The following NDRG3 variants were observed in gnomAD, a reference collection of about 807,000 sequenced individuals.
The protein encoded by NDRG3 is protein NDRG3.
In NDRG3, 23 loss-of-function variants were observed where a neutral mutation model predicts 57.2. The ratio of observed to expected loss-of-function variants is 0.40; its 90% CI spans 0.29 to 0.57. The LOEUF (loss-of-function observed/expected upper bound fraction) is 0.57, where lower values mean the gene tolerates loss of function less well. Among genes scored for constraint, NDRG3 ranks in the 20% least tolerant of loss-of-function variants. The pLI is 0.42. For missense variants in NDRG3, 384 were observed against 457.3 expected (o/e 0.84, Z 1.46); for synonymous variants, 132 against 162.6 (o/e 0.81, Z 1.43).
chr20:36,661,136 C>T (rs1163640406), intron 12 of NDRG3, among the ~76,000 whole-genome samples: 1 of 152,144 alleles, frequency 6.6e-6, no homozygotes, highest in Non-Finnish European at 1.5e-5. Context: ...TCACTTTTCA[C>T]CTCTTTCCTT....
At position 36,682,828 on chromosome 20, in the gene NDRG3, G is replaced by C. The variant is rs6028752; in HGVS notation, c.384-250C>G. 6.5e-3 allele frequency among the ~76,000 whole-genome samples: 985 copies of C among 152,132 alleles called. 12 individuals are homozygous for C. Among genetic ancestry groups the C allele is most frequent in the African/African-American group, 0.022 (926 of 41,530 alleles). ...GCACTTTGGGAGGCCGAGGCAGGCG[G>C]ATCACGAGGTCGGCGGATCACGAGG... On this transcript the variant is annotated intron_variant, in intron 6 of 15. Coordinates refer to ENST00000349004, the MANE Select transcript of NDRG3 (RefSeq NM_032013.4).
In NDRG3 at chr20:36,696,888, T is replaced by C. The variant is rs552949478; in HGVS notation, c.94-8104A>G. ...TCTATTGGGATTCTCTTCCACAGCA[T>C]TGACAATCTGTTCCATAAAGTACCA... is the stretch of plus-strand genomic sequence containing the variant. On this transcript the variant is annotated intron_variant, in intron 3 of 15. Coordinates refer to ENST00000349004, the MANE Select transcript of NDRG3 (RefSeq NM_032013.4). 1.8e-4 allele frequency among the ~76,000 whole-genome samples: 27 copies of C among 152,312 alleles called. 1 individual carries two copies. The highest frequency in any genetic ancestry group is 5.3e-4 in the African/African-American group (22 of 41,578).
rs1985774936 is a variant in NDRG3, at chr20:36,739,133, TCAAAAAAAAAAAAAAA to T, written c.-49+6896_-49+6911del. ...CTGGGTGACAAAACGAGACCCCATCTCAAAAAAAAAAAAAAAAAAAAAAAAAAAAAAAAGGCCAGGC... is the reference window on the plus strand; with the variant it reads ...CTGGGTGACAAAACGAGACCCCATCTAAAAAAAAAAAAAAAAAGGCCAGGC... On this transcript the variant is annotated intron_variant, in intron 1 of 15. Coordinates refer to ENST00000349004, the MANE Select transcript of NDRG3 (RefSeq NM_032013.4). Among the ~76,000 whole-genome samples the T allele has an allele frequency of 1.3e-4, 4 of 31,518 alleles. 1 individual carries two copies. The highest frequency in any genetic ancestry group is 1.1e-3 in the East Asian group (1 of 914). The allele number at this position is 31,518 out of a possible 152,430, so 20.7% of individuals were successfully genotyped here. A position where few individuals can be genotyped will look rare whatever the true frequency, so the allele number is the denominator to read the frequency against.
chr20:36,744,749 C>A (rs1157412799), intron 1 of NDRG3, among the ~76,000 whole-genome samples: 1 of 152,232 alleles, frequency 6.6e-6, no homozygotes, highest in Non-Finnish European at 1.5e-5. Context: ...TATCAATGTT[C>A]TCTTTCTCTT....
At chr20:36,727,691 G>A (rs1985027600) in intron 1 of NDRG3, among the ~76,000 whole-genome samples, 1 of 151,674 alleles carries the variant, frequency 6.6e-6, no homozygotes, top group African/African-American at 2.4e-5. Flanking sequence ...ACAGGCGCCC[G>A]CCACCACGCC....
intron 2 of NDRG3, among the ~76,000 whole-genome samples, chr20:36,717,987 T>C (rs988185218): frequency 6.6e-6 from 1 of 152,242 alleles, no homozygotes; most frequent in Non-Finnish European, 1.5e-5. Flanking sequence ...AATCCTGCCA[T>C]ACAGCAGGCA....
intron 1 of NDRG3, among the ~76,000 whole-genome samples, chr20:36,727,702 C>A (rs559632599): frequency 6.6e-6 from 1 of 151,762 alleles, no homozygotes; most frequent in Non-Finnish European, 1.5e-5. Flanking sequence ...CCACCACGCC[C>A]GGCTAATTTT....
chr20:36,703,056 G>A (rs1307016488), intron 3 of NDRG3, among the ~76,000 whole-genome samples: 1 of 152,034 alleles, frequency 6.6e-6, no homozygotes, highest in Non-Finnish European at 1.5e-5. Context: ...CTGATCTCAG[G>A]TGATCTACCC....
chr20:36,695,308 T>G (rs547998757), intron 3 of NDRG3, among the ~76,000 whole-genome samples: 1 of 152,284 alleles, frequency 6.6e-6, no homozygotes, highest in African/African-American at 2.4e-5. Context: ...TTGAACAATA[T>G]GAAATCTGGG....
At chr20:36,666,191 G>T in intron 10 of NDRG3, 98 bp downstream of exon 10, 1 of 873,076 alleles carries the variant, frequency 1.1e-6, no homozygotes, top group Non-Finnish European at 1.9e-6. Flanking sequence ...CCTCGGAGAA[G>T]CTGGTCCCAA....
intron 2 of NDRG3, among the ~76,000 whole-genome samples, chr20:36,707,488 A>G (rs1275255): frequency 0.057 from 8,653 of 152,256 alleles, 865 homozygotes; most frequent in African/African-American, 0.2. Flanking sequence ...ATCAGAAATG[A>G]AAGCCTTGAA....
At chr20:36,736,793 A>G (rs1294968435) in intron 1 of NDRG3, among the ~76,000 whole-genome samples, 1 of 152,184 alleles carries the variant, frequency 6.6e-6, no homozygotes, top group Non-Finnish European at 1.5e-5. Context: ...AAGTCTGGGT[A>G]CCTCTTCGCC....
chr20:36,679,504 ATTTT>A (rs1317685294), intron 8 of NDRG3, among the ~76,000 whole-genome samples: 1 of 143,056 alleles, frequency 7.0e-6, no homozygotes. Flanking sequence ...TTAAATTGCA[ATTTT>A]TTTTTTTTTT....
At chr20:36,713,821 C>G (rs1051451618) in intron 2 of NDRG3, among the ~76,000 whole-genome samples, 1 of 152,046 alleles carries the variant, frequency 6.6e-6, no homozygotes, top group Non-Finnish European at 1.5e-5. Flanking sequence ...AAAGGTTACA[C>G]GTAATTGACA....
chr20:36,673,497 C>G (rs2148064840), intron 8 of NDRG3, among the ~76,000 whole-genome samples: 1 of 152,072 alleles, frequency 6.6e-6, no homozygotes, highest in East Asian at 1.9e-4. Context: ...ACCTCCACCT[C>G]CCAGGTTCAA....
At chr20:36,657,053 T>C (rs1978737736) in intron 13 of NDRG3, among the ~76,000 whole-genome samples, 2 of 152,246 alleles carry the variant, frequency 1.3e-5, no homozygotes, top group South Asian at 4.1e-4. Context: ...TACAGCTGGT[T>C]ATTCTCACGT....
At chr20:36,720,574 G>A (rs1984531551) in intron 2 of NDRG3, among the ~76,000 whole-genome samples, 1 of 151,872 alleles carries the variant, frequency 6.6e-6, no homozygotes, top group African/African-American at 2.4e-5. Flanking sequence ...ACATAAAAAT[G>A]TGGTATATTA....
intron 1 of NDRG3, among the ~76,000 whole-genome samples, chr20:36,736,578 TAATC>T: frequency 6.6e-6 from 1 of 152,266 alleles, no homozygotes; most frequent in Non-Finnish European, 1.5e-5. Flanking sequence ...AAGGCTGAAT[TAATC>T]TAATCCTAAA....
chr20:36,740,463 C>T (rs1985873190), intron 1 of NDRG3, among the ~76,000 whole-genome samples: 1 of 152,148 alleles, frequency 6.6e-6, no homozygotes, highest in African/African-American at 2.4e-5. Flanking sequence ...TCTCCTGCCT[C>T]GGCCTCCCGA....
Sources: gnomAD v4.1 joint callset for allele counts (sites outside exome capture counted in the v4.1 genomes callset) on GRCh38, gnomAD v4.1.1 for gene constraint, MANE v1.5 for transcripts, NCBI Gene and HGNC (gene_info 2026-07-23, HGNC 2026-07-21) for gene names.